PBX3: variants seen among roughly 807,000 people sequenced by gnomAD.
PBX3 encodes the protein pre-B-cell leukemia transcription factor 3.
A neutral mutation model predicts 48.5 loss-of-function variants in PBX3; 14 were observed. The ratio of observed to expected loss-of-function variants is 0.29; its 90% CI spans 0.19 to 0.45. The LOEUF (loss-of-function observed/expected upper bound fraction) is 0.45. Ranked by LOEUF, PBX3 falls within the 20% of genes least tolerant of loss-of-function variation. The pLI is 1.00. For synonymous variants in PBX3, 210 were observed against 200.3 expected, an observed-to-expected ratio of 1.05 and a Z score of -0.41; for missense variants, 386 against 546.7, an observed-to-expected ratio of 0.71 and a Z score of 2.93.
chr9:125,747,984 A>T (rs1381816596), intron 1 of PBX3, among the ~76,000 whole-genome samples: 1 of 150,618 alleles, frequency 6.6e-6, no homozygotes, highest in Non-Finnish European at 1.5e-5. Context: ...CGCCGCCGGG[A>T]AGTGTAACTT....
chr9:125,934,474 G>A (rs1190848686), intron 4 of PBX3, among the ~76,000 whole-genome samples: 1 of 152,150 alleles, frequency 6.6e-6, no homozygotes, highest in Non-Finnish European at 1.5e-5. Flanking sequence ...TAATTTTCAG[G>A]CTGGAATTCT....
chr9:125,862,872 G>A (rs76496281), intron 2 of PBX3, among the ~76,000 whole-genome samples: 9,011 of 151,942 alleles, frequency 0.059, 617 homozygotes, highest in East Asian at 0.17. Context: ...CTTTTCATGT[G>A]TGTACAAGAG....
chr9:125,964,537 T>G (rs73667813), intron 8 of PBX3, among the ~76,000 whole-genome samples: 1 of 151,804 alleles, frequency 6.6e-6, no homozygotes, highest in South Asian at 2.1e-4. Flanking sequence ...AAATACTGTT[T>G]CCTTTTGTTT....
intron 2 of PBX3, among the ~76,000 whole-genome samples, chr9:125,841,375 A>G (rs1188725971): frequency 2.0e-5 from 3 of 152,162 alleles, no homozygotes; most frequent in Non-Finnish European, 4.4e-5. Context: ...TGTAGGAGAA[A>G]TGTTGTAGAT....
chr9:125,880,523 C>T (rs1010585076), intron 2 of PBX3, among the ~76,000 whole-genome samples: 1 of 152,164 alleles, frequency 6.6e-6, no homozygotes, highest in Non-Finnish European at 1.5e-5. Flanking sequence ...ATAGCAGTGT[C>T]TCCAGCTGAC....
At chr9:125,794,509 A>G (rs1472371462) in intron 2 of PBX3, among the ~76,000 whole-genome samples, 1 of 152,142 alleles carries the variant, frequency 6.6e-6, no homozygotes, top group Non-Finnish European at 1.5e-5. Flanking sequence ...CTATTATTGA[A>G]TGATGCCCTA....
intron 2 of PBX3, among the ~76,000 whole-genome samples, chr9:125,891,617 CAA>C (rs1840644901): frequency 6.6e-6 from 1 of 152,136 alleles, no homozygotes; most frequent in Admixed American, 6.5e-5. Context: ...AAGAAAAATT[CAA>C]AAGTTTGTTT....
chr9:125,838,270 T>G (rs543364699), intron 2 of PBX3, among the ~76,000 whole-genome samples: 1 of 152,336 alleles, frequency 6.6e-6, no homozygotes, highest in African/African-American at 2.4e-5. Context: ...CGGGGCCTAA[T>G]GTTGGCCTAG....
At chr9:125,931,751 A>G (rs929209055) in intron 4 of PBX3, among the ~76,000 whole-genome samples, 1 of 152,220 alleles carries the variant, frequency 6.6e-6, no homozygotes, top group African/African-American at 2.4e-5. Context: ...CAAATATACC[A>G]TAACATTCTA....
chr9:125,808,721 G>A (rs1019163439), intron 2 of PBX3, among the ~76,000 whole-genome samples: 3 of 152,060 alleles, frequency 2.0e-5, no homozygotes, highest in African/African-American at 7.2e-5. Flanking sequence ...TTACAATGGG[G>A]TATTGTTTCT....
intron 2 of PBX3, among the ~76,000 whole-genome samples, chr9:125,761,188 A>G (rs1445736443): frequency 1.6e-4 from 25 of 152,016 alleles, no homozygotes; most frequent in Admixed American, 1.6e-3. Flanking sequence ...TATTCTATAG[A>G]CATCTAATAA....
chr9:125,793,977 A>C (rs979988692), intron 2 of PBX3, among the ~76,000 whole-genome samples: 1 of 152,206 alleles, frequency 6.6e-6, no homozygotes, highest in Non-Finnish European at 1.5e-5. Flanking sequence ...CTGTGTACCC[A>C]ATCACGCAAC....
intron 2 of PBX3, among the ~76,000 whole-genome samples, chr9:125,833,205 G>T (rs958194851): frequency 1.3e-5 from 2 of 152,128 alleles, no homozygotes; most frequent in African/African-American, 4.8e-5. Flanking sequence ...AAAAAAATTG[G>T]CCAGGCGTGG....
chr9:125,944,512 CAG>C (rs1341074482), intron 5 of PBX3, among the ~76,000 whole-genome samples: 1 of 152,070 alleles, frequency 6.6e-6, no homozygotes, highest in East Asian at 1.9e-4. Context: ...GTGTTACTGA[CAG>C]AATATAAAAG....
intron 2 of PBX3, among the ~76,000 whole-genome samples, chr9:125,833,113 A>G (rs576550172): frequency 6.6e-6 from 1 of 152,184 alleles, no homozygotes; most frequent in Non-Finnish European, 1.5e-5. Flanking sequence ...TTATTGAAGT[A>G]CAATTAGGAA....
intron 2 of PBX3, among the ~76,000 whole-genome samples, chr9:125,858,622 A>ATTTTTTTTTTTTTTTTTTTTTTTTTTTT (rs36077474): frequency 8.5e-6 from 1 of 117,802 alleles, no homozygotes; most frequent in African/African-American, 3.2e-5. Flanking sequence ...ACTTTGGTCC[A>ATTTTTTTTTTTTTTTTTTTTTTTTTTTT]TTTTTTTTTT....
At chr9:125,820,004 A>G (rs769439105) in intron 2 of PBX3, among the ~76,000 whole-genome samples, 2 of 152,214 alleles carry the variant, frequency 1.3e-5, no homozygotes, top group African/African-American at 2.4e-5. Flanking sequence ...AAAAAACCCC[A>G]AAGAAATCTA....
intron 2 of PBX3, among the ~76,000 whole-genome samples, chr9:125,832,738 A>G (rs1033439348): frequency 5.3e-5 from 8 of 152,078 alleles, no homozygotes; most frequent in African/African-American, 9.7e-5. Context: ...CTTTGCAGGT[A>G]TTTATTTGTT....
chr9:125,931,819 A>G (rs1841722911), intron 4 of PBX3, among the ~76,000 whole-genome samples: 1 of 152,210 alleles, frequency 6.6e-6, no homozygotes, highest in African/African-American at 2.4e-5. Context: ...AAATAAAGCA[A>G]GTCAAGGGGA....
Sources: allele counts gnomAD v4.1 joint callset (sites outside exome capture counted in the v4.1 genomes callset), GRCh38; gene constraint gnomAD v4.1.1; transcripts MANE v1.5; gene names NCBI Gene and HGNC (gene_info 2026-07-23, HGNC 2026-07-21).